The following PTDSS1 variants were observed in gnomAD, a reference collection of about 807,000 sequenced individuals.
The protein encoded by PTDSS1 is PSS-1.
In PTDSS1, 45 loss-of-function variants were observed where a neutral mutation model predicts 70.5. The observed-to-expected ratio is 0.64, with a 90% confidence interval of 0.50 to 0.82. PTDSS1 has a LOEUF of 0.82. PTDSS1 is among the 40% of genes least tolerant of loss of function. The pLI, the probability that PTDSS1 is intolerant of heterozygous loss-of-function variation, is 0.00. For synonymous variants in PTDSS1, 188 were observed against 203.8 expected (o/e 0.92, Z 0.66); for missense variants, 417 against 586.1 (o/e 0.71, Z 2.98).
intron 1 of PTDSS1, among the ~76,000 whole-genome samples, chr8:96,270,332 A>G (rs13280716): frequency 0.14 from 21,037 of 151,898 alleles, 2,296 homozygotes; most frequent in African/African-American, 0.31. Flanking sequence ...GCCAAGTTCT[A>G]TTTCATGATT....
chr8:96,300,823 A>C (rs1017037034), intron 6 of PTDSS1, among the ~76,000 whole-genome samples: 2 of 152,218 alleles, frequency 1.3e-5, no homozygotes, highest in Non-Finnish European at 2.9e-5. Context: ...TTCATAAAGA[A>C]GACTGGAGTG....
chr8:96,303,010 C>A (rs1234092615), intron 6 of PTDSS1, among the ~76,000 whole-genome samples: 4 of 152,176 alleles, frequency 2.6e-5, no homozygotes, highest in African/African-American at 9.7e-5. Context: ...TAAACAACAA[C>A]AAAAAATCCT....
rs1271243301 is a variant in PTDSS1, at chr8:96,310,380, G to A, written c.1073+758G>A. 4.0e-5 allele frequency among the ~76,000 whole-genome samples: 6 copies of A among 151,462 alleles called. No individual in the cohort carries two copies. In the South Asian group the frequency reaches 1.0e-3, roughly 26 times the overall value. On this transcript the variant is annotated intron_variant, in intron 9 of 12. Coordinates refer to ENST00000517309, the MANE Select transcript of PTDSS1 (RefSeq NM_014754.3). ...GGGTTTCACCGTGTTGGTCAGGCTG[G>A]TTTCTAACTCTGACCTCATGATCTG...
chr8:96,276,185 T>C (rs1341045497), intron 2 of PTDSS1, among the ~76,000 whole-genome samples: 1 of 152,212 alleles, frequency 6.6e-6, no homozygotes, highest in Non-Finnish European at 1.5e-5. Context: ...CTCTCAATAG[T>C]TGTGATTTGT....
chr8:96,276,795 C>A (rs1216523443), intron 2 of PTDSS1, among the ~76,000 whole-genome samples: 3 of 152,164 alleles, frequency 2.0e-5, no homozygotes, highest in Non-Finnish European at 2.9e-5. Context: ...ACCTAGCGTG[C>A]TTTGCATCCC....
intron 12 of PTDSS1, among the ~76,000 whole-genome samples, 196 bp from the exon 13 acceptor site, chr8:96,333,261 C>G (rs1376020791): frequency 6.6e-6 from 1 of 152,060 alleles, no homozygotes; most frequent in East Asian, 1.9e-4. Flanking sequence ...GCGTTGAACC[C>G]CGCGCCACCG....
chr8:96,301,104 T>G (rs553618459), intron 6 of PTDSS1, among the ~76,000 whole-genome samples: 14 of 152,322 alleles, frequency 9.2e-5, no homozygotes, highest in Non-Finnish European at 1.8e-4. Context: ...AAATGTGACT[T>G]TATTTTCCAT....
intron 2 of PTDSS1, among the ~76,000 whole-genome samples, chr8:96,282,115 G>A (rs554348126): frequency 2.3e-4 from 35 of 152,280 alleles, no homozygotes; most frequent in African/African-American, 4.3e-4. Context: ...GAAAACTGAC[G>A]TCCCATTTTA....
intron 9 of PTDSS1, among the ~76,000 whole-genome samples, chr8:96,313,400 G>T (rs1056361553): frequency 1.2e-4 from 19 of 152,168 alleles, no homozygotes; most frequent in African/African-American, 4.3e-4. Flanking sequence ...AGCTCGGTGG[G>T]AGTTTTGGGG....
chr8:96,317,003 A>G (rs1166263407), intron 9 of PTDSS1, among the ~76,000 whole-genome samples: 1 of 150,360 alleles, frequency 6.7e-6, no homozygotes, highest in Non-Finnish European at 1.5e-5. Context: ...AAATATATAT[A>G]TATATATGTA....
At position 96,286,949 on chromosome 8, in the gene PTDSS1, G is replaced by A. The variant is rs143140135; in HGVS notation, c.317-73G>A. ...GTGTCTGGTTTTGGCAATGCCATTC[G>A]AGTCTAATGTGTATTGTGTGTGTCT... On this transcript the variant is annotated intron_variant, in intron 3 of 12. Transcript: ENST00000517309. The A allele has an allele frequency of 1.0e-3, 1,636 of 1,564,562 alleles. 15 individuals are homozygous for A. In the African/African-American group the frequency reaches 0.019, roughly 18 times the overall value.
chr8:96,323,392 G>T (rs941785392), intron 10 of PTDSS1, among the ~76,000 whole-genome samples: 2 of 152,208 alleles, frequency 1.3e-5, no homozygotes, highest in Non-Finnish European at 2.9e-5. Context: ...GCAGTTCGCC[G>T]CATCCTTTGA....
chr8:96,296,577 A>G (rs1211111400), intron 5 of PTDSS1, among the ~76,000 whole-genome samples: 1 of 152,220 alleles, frequency 6.6e-6, no homozygotes, highest in Non-Finnish European at 1.5e-5. Context: ...AAATAAGCTC[A>G]AATTCTGAGA....
chr8:96,270,442 G>A (rs150377608), intron 1 of PTDSS1, among the ~76,000 whole-genome samples: 1 of 152,308 alleles, frequency 6.6e-6, no homozygotes, highest in East Asian at 1.9e-4. Context: ...TGTGTGCTCA[G>A]GTTGCCCTGT....
intron 1 of PTDSS1, among the ~76,000 whole-genome samples, chr8:96,272,559 C>T (rs1392874756): frequency 2.0e-5 from 3 of 152,130 alleles, no homozygotes; most frequent in African/African-American, 7.2e-5. Context: ...CAATCATTGT[C>T]TTCAGTGTCT....
Position 96,261,985 on chromosome 8 carries a change from T to G in PTDSS1, c.-56T>G, listed in dbSNP as rs1810408701. On this transcript the variant is annotated 5_prime_UTR_variant, in exon 1 of 13. Coordinates refer to ENST00000517309, the MANE Select transcript of PTDSS1 (RefSeq NM_014754.3). ...CTACTGTGGCTAGTCACCCCCGGGG[T>G]CCCGGCCTTCTCGGGCTGGGGCCGC... 2 of 1,552,328 alleles carry G rather than the reference T, an allele frequency of 1.3e-6. No individual in the cohort carries two copies. Among genetic ancestry groups the G allele is most frequent in the African/African-American group, 1.4e-5 (1 of 73,730 alleles).
At position 96,262,473 on chromosome 8, in the gene PTDSS1, A is replaced by T. The variant is rs1353671698; in HGVS notation, c.179+254A>T. 2.6e-5 allele frequency among the ~76,000 whole-genome samples: 4 copies of T among 152,150 alleles called. No individual in the cohort carries two copies. Among genetic ancestry groups the T allele is most frequent in the African/African-American group, 9.7e-5 (4 of 41,432 alleles). On this transcript the variant is annotated intron_variant, in intron 1 of 12. Coordinates refer to ENST00000517309, the MANE Select transcript of PTDSS1 (RefSeq NM_014754.3). The surrounding 1 kb of genome is among the most constrained non-coding windows in gnomAD (Gnocchi z 4.4). ...TCCGGTTACACGGGGAACGCACGCG[A>T]GTCACCTAGCACGATCGCCCCCTCA...
Position 96,315,336 on chromosome 8 carries a change from C to T in PTDSS1, c.1074-4910C>T, listed in dbSNP as rs1238415714. ...TTGCTTGTGCAGCCATGGAGCAGTG[C>T]GTGTGGGATGCAGCAGCCAGGTACC... is the stretch of plus-strand genomic sequence containing the variant. On this transcript the variant is annotated intron_variant, in intron 9 of 12. Transcript: ENST00000517309. 3.9e-5 allele frequency among the ~76,000 whole-genome samples: 6 copies of T among 152,228 alleles called. No individual in the cohort carries two copies. In the East Asian group the frequency reaches 1.2e-3, roughly 29 times the overall value.
chr8:96,299,940 T>C (rs778071629), intron 6 of PTDSS1, 95 bp downstream of exon 6: 41 of 1,404,710 alleles, frequency 2.9e-5, no homozygotes, highest in South Asian at 4.3e-5. Flanking sequence ...TCTTTGATGA[T>C]AAGGAATAAA....
Sources: gnomAD v4.1 joint callset for allele counts (sites outside exome capture counted in the v4.1 genomes callset) on GRCh38, gnomAD v4.1.1 for gene constraint, Gnocchi (gnomAD v3.1) non-coding constraint, MANE v1.5 for transcripts, NCBI Gene and HGNC (gene_info 2026-07-23, HGNC 2026-07-21) for gene names.